Variants in NAALADL2 observed in about 807,000 individuals in gnomAD.
NAALADL2 encodes inactive N-acetylated-alpha-linked acidic dipeptidase-like protein 2.
A neutral mutation model predicts 87.2 loss-of-function variants in NAALADL2; 76 were observed. The observed-to-expected ratio is 0.87, with a 90% CI of 0.72 to 1.05. The LOEUF is 1.05. Ranked by LOEUF, NAALADL2 falls within the 50% of genes least tolerant of loss-of-function variation. The pLI is 0.00. For missense variants in NAALADL2, 1,089 were observed against 945.8 expected (o/e 1.15, Z -1.99); for synonymous variants, 354 against 331.0 (o/e 1.07, Z -0.75).
chr3:174,581,269 G>A (rs1716137811), intron 2 of NAALADL2, among the ~76,000 whole-genome samples: 1 of 151,954 alleles, frequency 6.6e-6, no homozygotes, highest in Admixed American at 6.6e-5. Flanking sequence ...GGGAGACAAG[G>A]GCAAATTATT....
chr3:175,468,880 T>G, intron 8 of NAALADL2, among the ~76,000 whole-genome samples: 1 of 152,182 alleles, frequency 6.6e-6, no homozygotes, highest in African/African-American at 2.4e-5. Flanking sequence ...GTTGATATTT[T>G]TGTGGTTAAT....
At chr3:175,674,415 AC>A (rs760471969) in intron 11 of NAALADL2, among the ~76,000 whole-genome samples, 6 of 150,420 alleles carry the variant, frequency 4.0e-5, no homozygotes, top group African/African-American at 1.5e-4. Context: ...GCACACCACC[AC>A]CCCTGGCTAA....
chr3:174,452,995 T>A (rs777292668), intron 1 of NAALADL2, among the ~76,000 whole-genome samples: 15 of 152,152 alleles, frequency 9.9e-5, no homozygotes, highest in Non-Finnish European at 2.2e-4. Flanking sequence ...TATTGAGATA[T>A]AGGAGTATGT....
At chr3:175,432,757 A>T (rs957380239) in intron 5 of NAALADL2, among the ~76,000 whole-genome samples, 1 of 152,072 alleles carries the variant, frequency 6.6e-6, no homozygotes, top group African/African-American at 2.4e-5. Context: ...TCTAGCCACT[A>T]CTTTAAAAGC....
At position 174,598,071 on chromosome 3, in the gene NAALADL2, T is replaced by G. The variant is rs150308669; in HGVS notation, c.-115+47434T>G. Among the ~76,000 whole-genome samples, 190 of 152,298 alleles carry G rather than the reference T, an allele frequency of 1.2e-3. 1 individual carries two copies. The highest frequency in any genetic ancestry group is 3.3e-3 in the Admixed American group (51 of 15,292). On this transcript the variant is annotated intron_variant, in intron 2 of 3. Coordinates refer to the NAALADL2 transcript ENST00000434257. The stretch of plus-strand genomic sequence containing the variant: ...AGTAATTCAGTATTTGCCAGTTAGC[T>G]TTCAATAACCATGTTGAAGAACTGA...
intron 1 of NAALADL2, chr3:175,081,130 G>A (rs146685549): frequency 6.6e-6 from 1 of 152,086 alleles, no homozygotes; most frequent in Admixed American, 6.6e-5. Context: ...CTTTTAAACC[G>A]GTTTTCCAGT....
At position 175,273,735 on chromosome 3, in the gene NAALADL2, T is replaced by A. The variant is rs112469255; in HGVS notation, c.939+17205T>A. On this transcript the variant is annotated intron_variant, in intron 4 of 13. Transcript: ENST00000454872. ...GTGTGTGCATGTGTGTGTGTGTGCG[T>A]GTGTGTGTGTGTGTTAAATTATATT... Among the ~76,000 whole-genome samples the A allele has an allele frequency of 1.5e-3, 227 of 150,666 alleles. 2 individuals carry two copies. The highest frequency in any genetic ancestry group is 5.3e-3 in the African/African-American group (218 of 40,790).
chr3:175,242,029 T>G (rs983600845), intron 3 of NAALADL2, among the ~76,000 whole-genome samples: 4 of 151,184 alleles, frequency 2.6e-5, no homozygotes, highest in Admixed American at 6.6e-5. Context: ...GCCCAGCAAA[T>G]TTTTGTATTT....
At chr3:175,775,353 GAAT>G (rs1750084971) in intron 13 of NAALADL2, among the ~76,000 whole-genome samples, 1 of 151,812 alleles carries the variant, frequency 6.6e-6, no homozygotes, top group African/African-American at 2.4e-5. Context: ...CTTTATCCTT[GAAT>G]AATATTATTT....
At chr3:174,491,455 A>G (rs1301027266) in intron 1 of NAALADL2, among the ~76,000 whole-genome samples, 1 of 152,194 alleles carries the variant, frequency 6.6e-6, no homozygotes, top group East Asian at 1.9e-4. Context: ...GAAGTATTTT[A>G]TATTGATAGT....
At chr3:174,997,564 C>T (rs1174692137) in intron 1 of NAALADL2, among the ~76,000 whole-genome samples, 1 of 152,048 alleles carries the variant, frequency 6.6e-6, no homozygotes, top group Non-Finnish European at 1.5e-5. Context: ...GTGGCTCATG[C>T]CTGTAATCCT....
At chr3:174,601,316 C>T (rs1578272221) in intron 2 of NAALADL2, among the ~76,000 whole-genome samples, 1 of 152,054 alleles carries the variant, frequency 6.6e-6, no homozygotes, top group East Asian at 1.9e-4. Context: ...TACTGCCTGT[C>T]TTTTGGATAA....
At chr3:175,719,450 T>C (rs187128866) in intron 11 of NAALADL2, among the ~76,000 whole-genome samples, 1 of 152,258 alleles carries the variant, frequency 6.6e-6, no homozygotes, top group East Asian at 1.9e-4. Context: ...TTTACAGGTT[T>C]ATATTATTCA....
At chr3:175,289,094 G>T (rs1203568120) in intron 4 of NAALADL2, among the ~76,000 whole-genome samples, 3 of 151,808 alleles carry the variant, frequency 2.0e-5, no homozygotes, top group Non-Finnish European at 4.4e-5. Flanking sequence ...AATTTGAGCT[G>T]TTATCTTAAA....
intron 13 of NAALADL2, among the ~76,000 whole-genome samples, chr3:175,795,682 C>T (rs2108316527): frequency 6.7e-6 from 1 of 149,288 alleles, no homozygotes; most frequent in East Asian, 2.0e-4. Flanking sequence ...GACTCTGTCT[C>T]AAAAAATAAA....
intron 12 of NAALADL2, among the ~76,000 whole-genome samples, chr3:175,744,750 A>G (rs1462499531): frequency 6.6e-6 from 1 of 152,184 alleles, no homozygotes; most frequent in Non-Finnish European, 1.5e-5. Flanking sequence ...TGTGTGAATA[A>G]TGGAAACCAC....
chr3:174,457,074 T>C (rs1302630190), intron 1 of NAALADL2, among the ~76,000 whole-genome samples: 1 of 152,084 alleles, frequency 6.6e-6, no homozygotes, highest in Non-Finnish European at 1.5e-5. Context: ...AAAGATAGGA[T>C]ACATATGGTC....
At chr3:174,549,525 T>A (rs1711854804) in intron 1 of NAALADL2, among the ~76,000 whole-genome samples, 1 of 152,206 alleles carries the variant, frequency 6.6e-6, no homozygotes, top group Non-Finnish European at 1.5e-5. Context: ...ATTTGTTTAT[T>A]CAATAATTGT....
At chr3:175,107,958 TA>T (rs11284556) in intron 2 of NAALADL2, among the ~76,000 whole-genome samples, 92,662 of 151,518 alleles carry the variant, frequency 0.61, 28,950 homozygotes, top group African/African-American at 0.75. Flanking sequence ...TTCTTATCTA[TA>T]AAAAAAATGG....
Sources: allele counts gnomAD v4.1 joint callset (sites outside exome capture counted in the v4.1 genomes callset), GRCh38; gene constraint gnomAD v4.1.1; transcripts MANE v1.5; gene names NCBI Gene and HGNC (gene_info 2026-07-23, HGNC 2026-07-21).